Variants in CCSER2 observed in about 807,000 individuals in gnomAD.
The protein encoded by CCSER2 is serine-rich coiled-coil domain-containing protein 2.
In CCSER2, 46 loss-of-function variants were observed where a neutral mutation model predicts 92.3. The ratio of observed to expected loss-of-function variants is 0.50; its 90% confidence interval spans 0.39 to 0.64. The LOEUF is 0.64. Ranked by LOEUF, CCSER2 falls within the 30% of genes least tolerant of loss-of-function variation. The pLI, the probability that CCSER2 is intolerant of heterozygous loss-of-function variation, is 0.00. For missense variants in CCSER2, 1,244 were observed against 1,238.9 expected, an observed-to-expected ratio of 1.00 and a Z score of -0.06; for synonymous variants, 433 against 431.4, an observed-to-expected ratio of 1.00 and a Z score of -0.04.
At chr10:84,384,875 A>C (rs1841103729) in intron 3 of CCSER2, among the ~76,000 whole-genome samples, 1 of 152,186 alleles carries the variant, frequency 6.6e-6, no homozygotes, top group Non-Finnish European at 1.5e-5. Flanking sequence ...AGATTCCTCC[A>C]AAAGACTTTT....
intron 5 of CCSER2, among the ~76,000 whole-genome samples, chr10:84,434,018 G>A (rs555146982): frequency 6.6e-6 from 1 of 152,280 alleles, no homozygotes; most frequent in Admixed American, 6.5e-5. Context: ...CAGCAGCTTT[G>A]CAGTCTTCAT....
At chr10:84,407,218 C>T (rs1227378723) in intron 3 of CCSER2, among the ~76,000 whole-genome samples, 1 of 152,186 alleles carries the variant, frequency 6.6e-6, no homozygotes, top group African/African-American at 2.4e-5. Flanking sequence ...AATTGGGCTT[C>T]AAAACTATGT....
intron 1 of CCSER2, among the ~76,000 whole-genome samples, chr10:84,350,376 A>G (rs868416080): frequency 2.1e-5 from 3 of 144,444 alleles, no homozygotes; most frequent in East Asian, 2.0e-4. Flanking sequence ...TAATTATTTA[A>G]TTGTTTTTTT....
intron 3 of CCSER2, among the ~76,000 whole-genome samples, chr10:84,381,991 G>T (rs1393586389): frequency 2.0e-5 from 3 of 151,822 alleles, no homozygotes; most frequent in Non-Finnish European, 2.9e-5. Flanking sequence ...GTCACAACTG[G>T]TTGCTGGAGG....
intron 9 of CCSER2, among the ~76,000 whole-genome samples, chr10:84,502,730 G>A (rs1266965793): frequency 2.0e-5 from 3 of 152,128 alleles, no homozygotes; most frequent in Non-Finnish European, 4.4e-5. Flanking sequence ...TAAATGGGGA[G>A]GCGAGGTAAA....
chr10:84,472,080 A>G (rs993006848), intron 8 of CCSER2, among the ~76,000 whole-genome samples: 2 of 152,178 alleles, frequency 1.3e-5, no homozygotes, highest in Admixed American at 6.5e-5. Flanking sequence ...CGAAGTAGAA[A>G]AATAAGGAAA....
At chr10:84,356,718 A>G (rs2133095265) in intron 1 of CCSER2, among the ~76,000 whole-genome samples, 1 of 152,254 alleles carries the variant, frequency 6.6e-6, no homozygotes, top group Admixed American at 6.5e-5. Context: ...GGAGAGGTGG[A>G]AAAAAATCAA....
At chr10:84,449,141 G>A (rs750601064) in intron 6 of CCSER2, among the ~76,000 whole-genome samples, 1 of 152,198 alleles carries the variant, frequency 6.6e-6, no homozygotes, top group East Asian at 1.9e-4. Flanking sequence ...TTGGGAGGCC[G>A]AGGTAGGTGG....
chr10:84,467,779 A>G (rs1846537122), intron 7 of CCSER2, among the ~76,000 whole-genome samples: 1 of 152,208 alleles, frequency 6.6e-6, no homozygotes. Context: ...CAAGCTAGAA[A>G]TACAGTGTCA....
chr10:84,466,686 T>G (rs1846459114), intron 7 of CCSER2, among the ~76,000 whole-genome samples: 3 of 151,418 alleles, frequency 2.0e-5, no homozygotes, highest in Non-Finnish European at 2.9e-5. Flanking sequence ...TTTTTTTTTT[T>G]GTATTTTTAG....
chr10:84,507,351 A>AT (rs1437798211), intron 9 of CCSER2: 1 of 981,678 alleles, frequency 1.0e-6, no homozygotes, highest in Non-Finnish European at 1.2e-6. Context: ...ACAATTTCGG[A>AT]TTTTTTCCTA....
At chr10:84,342,455 A>C (rs904049249) in intron 1 of CCSER2, among the ~76,000 whole-genome samples, 1 of 152,114 alleles carries the variant, frequency 6.6e-6, no homozygotes, top group Non-Finnish European at 1.5e-5. Context: ...CCAGTTCCTC[A>C]TGTACCCTGT....
intron 6 of CCSER2, among the ~76,000 whole-genome samples, chr10:84,441,119 TC>T (rs1225165824): frequency 6.6e-6 from 1 of 152,214 alleles, no homozygotes; most frequent in African/African-American, 2.4e-5. Flanking sequence ...GTGATTATTC[TC>T]TTTCCTTTAT....
At chr10:84,366,442 T>C (rs1845780358) in intron 1 of CCSER2, among the ~76,000 whole-genome samples, 1 of 152,302 alleles carries the variant, frequency 6.6e-6, no homozygotes, top group South Asian at 2.1e-4. Flanking sequence ...AGACTTAGTT[T>C]ATGTTCTCAG....
intron 9 of CCSER2, chr10:84,499,876 G>A (rs144854552): frequency 1.9e-6 from 3 of 1,613,792 alleles, no homozygotes; most frequent in Non-Finnish European, 2.5e-6. Flanking sequence ...TCTGCACAGG[G>A]TGGGTATTCT....
chr10:84,396,185 CTGTGTGTGTGTGTGTG>C (rs11467455), intron 3 of CCSER2, among the ~76,000 whole-genome samples: 8 of 145,804 alleles, frequency 5.5e-5, no homozygotes, highest in African/African-American at 1.5e-4. Flanking sequence ...TTATTCAACA[CTGTGTGTGTGTGTGTG>C]TGTGTGTGTG....
At chr10:84,336,393 A>T (rs1800732054) in intron 1 of CCSER2, among the ~76,000 whole-genome samples, 1 of 152,234 alleles carries the variant, frequency 6.6e-6, no homozygotes, top group African/African-American at 2.4e-5. Context: ...TGCTGTGGAG[A>T]AAAAGCAGGA....
chr10:84,391,588 A>C, intron 3 of CCSER2: 1 of 1,516,354 alleles, frequency 6.6e-7, no homozygotes, highest in African/African-American at 1.4e-5. Context: ...TCTCCATTCA[A>C]ATGGATATAG....
intron 3 of CCSER2, among the ~76,000 whole-genome samples, chr10:84,382,699 G>T (rs1840979356): frequency 6.6e-6 from 1 of 152,050 alleles, no homozygotes; most frequent in South Asian, 2.1e-4. Context: ...CTTTATTTTT[G>T]GAATGATTTT....
Sources: gnomAD v4.1 joint callset for allele counts (sites outside exome capture counted in the v4.1 genomes callset) on GRCh38, gnomAD v4.1.1 for gene constraint, MANE v1.5 for transcripts, NCBI Gene and HGNC (gene_info 2026-07-23, HGNC 2026-07-21) for gene names.